CNTN3: variants seen among roughly 807,000 people sequenced by gnomAD.
The protein encoded by CNTN3 is contactin-3.
Under a neutral mutation model 119.1 loss-of-function variants are expected in CNTN3, and 60 were observed. The observed-to-expected ratio is 0.50, with a 90% CI of 0.41 to 0.62. The LOEUF (loss-of-function observed/expected upper bound fraction) is 0.62. Ranked by LOEUF, CNTN3 falls within the 20% of genes least tolerant of loss-of-function variation. CNTN3 has a pLI of 0.00. For synonymous variants in CNTN3, 450 were observed against 438.7 expected (o/e 1.03, Z -0.32); for missense variants, 1,101 against 1,242.4 (o/e 0.89, Z 1.71).
intron 1 of CNTN3, among the ~76,000 whole-genome samples, chr3:74,584,143 G>A (rs551141381): frequency 6.6e-6 from 1 of 151,956 alleles, no homozygotes; most frequent in East Asian, 1.9e-4. Context: ...TATATCTCTG[G>A]GCTAGACAAT....
At chr3:74,272,411 A>G (rs1057335137) in intron 20 of CNTN3, among the ~76,000 whole-genome samples, 1 of 152,182 alleles carries the variant, frequency 6.6e-6, no homozygotes, top group African/African-American at 2.4e-5. Context: ...TCCTGATTCT[A>G]TATTAGCAGA....
intron 5 of CNTN3, among the ~76,000 whole-genome samples, chr3:74,419,658 A>T (rs1011548827): frequency 2.6e-5 from 4 of 152,220 alleles, no homozygotes; most frequent in African/African-American, 9.6e-5. Flanking sequence ...GGAAAGCTGA[A>T]TCAAGACACC....
At chr3:74,315,093 C>T (rs1702796135) in intron 13 of CNTN3, among the ~76,000 whole-genome samples, 1 of 152,156 alleles carries the variant, frequency 6.6e-6, no homozygotes, top group African/African-American at 2.4e-5. Context: ...TTGTTATACC[C>T]TAATTATAAT....
At chr3:74,410,415 T>G (rs890862815) in intron 5 of CNTN3, among the ~76,000 whole-genome samples, 4 of 152,212 alleles carry the variant, frequency 2.6e-5, no homozygotes, top group Non-Finnish European at 5.9e-5. Flanking sequence ...AATAAGTGTG[T>G]GCTGAGAATT....
chr3:74,313,768 C>T (rs1702759978), intron 13 of CNTN3, among the ~76,000 whole-genome samples: 1 of 151,986 alleles, frequency 6.6e-6, no homozygotes, highest in Non-Finnish European at 1.5e-5. Context: ...ATGAAGCCTC[C>T]CTCAGAGAGA....
intron 1 of CNTN3, among the ~76,000 whole-genome samples, chr3:74,601,986 T>C (rs1011683372): frequency 1.3e-5 from 2 of 151,832 alleles, no homozygotes; most frequent in African/African-American, 4.8e-5. Flanking sequence ...CAGCCCAGCC[T>C]AGATAAGCCA....
At chr3:74,591,775 A>C (rs1264211812) in intron 1 of CNTN3, among the ~76,000 whole-genome samples, 1 of 151,964 alleles carries the variant, frequency 6.6e-6, no homozygotes, top group Non-Finnish European at 1.5e-5. Context: ...TCTGGGAAAA[A>C]GGATGAGTTC....
At chr3:74,405,352 C>A (rs1705298536) in intron 5 of CNTN3, among the ~76,000 whole-genome samples, 1 of 150,104 alleles carries the variant, frequency 6.7e-6, no homozygotes, top group African/African-American at 2.5e-5. Flanking sequence ...TACACACATA[C>A]ATGGATCAAT....
intron 5 of CNTN3, among the ~76,000 whole-genome samples, chr3:74,387,709 T>C (rs192389902): frequency 2.5e-4 from 38 of 152,354 alleles, no homozygotes; most frequent in African/African-American, 8.9e-4. Flanking sequence ...GTCGTGGAAA[T>C]ATCTCATCAC....
At chr3:74,371,914 C>T (rs771676835) in intron 5 of CNTN3, among the ~76,000 whole-genome samples, 6 of 152,036 alleles carry the variant, frequency 3.9e-5, no homozygotes, top group East Asian at 1.9e-4. Context: ...GCTTCTGGGG[C>T]CTACAACTCC....
chr3:74,319,576 T>C (rs1702929770), intron 13 of CNTN3, among the ~76,000 whole-genome samples: 1 of 152,022 alleles, frequency 6.6e-6, no homozygotes, highest in Non-Finnish European at 1.5e-5. Flanking sequence ...GAAGAGAACC[T>C]AGGCAATACC....
intron 1 of CNTN3, among the ~76,000 whole-genome samples, chr3:74,598,118 C>G (rs910224018): frequency 9.2e-5 from 14 of 152,070 alleles, no homozygotes; most frequent in African/African-American, 3.1e-4. Context: ...TGATTCTAGA[C>G]TGGCCTTATG....
chr3:74,491,851 T>G (rs543682705), intron 3 of CNTN3, among the ~76,000 whole-genome samples: 44 of 152,322 alleles, frequency 2.9e-4, no homozygotes, highest in African/African-American at 1.1e-3. Flanking sequence ...TGAAATCTTT[T>G]TGAAATATGA....
intron 4 of CNTN3, among the ~76,000 whole-genome samples, chr3:74,476,304 T>C (rs1411427670): frequency 2.6e-5 from 4 of 152,164 alleles, no homozygotes; most frequent in African/African-American, 9.7e-5. Flanking sequence ...GCAGTGACTT[T>C]ATAGAACCTA....
At chr3:74,486,419 A>G (rs1702859841) in intron 4 of CNTN3, 37 bp downstream of exon 4, 1 of 1,535,698 alleles carries the variant, frequency 6.5e-7, no homozygotes, top group Non-Finnish European at 8.8e-7. Context: ...CATATTTTCT[A>G]ATGTTGGATT....
chr3:74,362,123 T>A, intron 10 of CNTN3, 83 bp from the exon 11 acceptor site: 1 of 1,504,892 alleles, frequency 6.6e-7, no homozygotes, highest in South Asian at 1.2e-5. Context: ...TTTACAGTTT[T>A]AAAAGTTTTC....
chr3:74,429,329 T>C (rs1701746310), intron 4 of CNTN3, among the ~76,000 whole-genome samples: 1 of 151,808 alleles, frequency 6.6e-6, no homozygotes, highest in African/African-American at 2.4e-5. Context: ...CATGTGGTAG[T>C]GGCACAGGGA....
intron 19 of CNTN3, among the ~76,000 whole-genome samples, chr3:74,293,680 G>T (rs1179108439): frequency 6.6e-6 from 1 of 152,114 alleles, no homozygotes; most frequent in Non-Finnish European, 1.5e-5. Flanking sequence ...TCACTAAGTT[G>T]CCCAGGCCAG....
intron 4 of CNTN3, among the ~76,000 whole-genome samples, chr3:74,448,558 C>T (rs1234995029): frequency 6.6e-6 from 1 of 152,078 alleles, no homozygotes; most frequent in Non-Finnish European, 1.5e-5. Context: ...ACCTGCTAAC[C>T]TGAGGAACTT....
Sources: allele counts gnomAD v4.1 joint callset (sites outside exome capture counted in the v4.1 genomes callset), GRCh38; gene constraint gnomAD v4.1.1; transcripts MANE v1.5; gene names NCBI Gene and HGNC (gene_info 2026-07-23, HGNC 2026-07-21).